The following USP13 variants were observed in gnomAD, a reference collection of about 807,000 sequenced individuals.
USP13 encodes ubiquitin carboxyl-terminal hydrolase 13.
In USP13, 68 loss-of-function variants were observed where a neutral mutation model predicts 107.8. The observed-to-expected ratio is 0.63, with a 90% CI of 0.52 to 0.77. The LOEUF (loss-of-function observed/expected upper bound fraction) is 0.77, where lower values mean the gene tolerates loss of function less well. Among genes scored for constraint, USP13 ranks in the 30% least tolerant of loss-of-function variants. USP13 has a pLI of 0.00. For missense variants in USP13, 945 were observed against 1,093.3 expected (o/e 0.86, Z 1.91); for synonymous variants, 377 against 389.5 (o/e 0.97, Z 0.38).
chr3:179,660,580 T>A (rs1276192372), intron 1 of USP13, among the ~76,000 whole-genome samples: 2 of 152,264 alleles, frequency 1.3e-5, no homozygotes, highest in Non-Finnish European at 2.9e-5. Context: ...TGAATAAAGC[T>A]GCTTCAGTTG....
At chr3:179,687,133 T>C (rs1711900470) in intron 2 of USP13, among the ~76,000 whole-genome samples, 1 of 152,226 alleles carries the variant, frequency 6.6e-6, no homozygotes, top group Non-Finnish European at 1.5e-5. Context: ...TCTGGATTTT[T>C]CTACTCCAGC....
At chr3:179,707,361 T>C (rs1482560532) in intron 5 of USP13, among the ~76,000 whole-genome samples, 2 of 152,084 alleles carry the variant, frequency 1.3e-5, no homozygotes, top group Non-Finnish European at 2.9e-5. Flanking sequence ...GTTATGCCAG[T>C]GCACGGGACA....
At chr3:179,741,505 C>T (rs1192939836) in intron 11 of USP13, among the ~76,000 whole-genome samples, 2 of 98,688 alleles carry the variant, frequency 2.0e-5, no homozygotes, top group African/African-American at 8.5e-5. Flanking sequence ...TAGGCACCCA[C>T]TACCATGCCT....
chr3:179,663,314 T>A (rs994256467), intron 1 of USP13, among the ~76,000 whole-genome samples: 4 of 152,220 alleles, frequency 2.6e-5, no homozygotes, highest in African/African-American at 9.6e-5. Context: ...TTGTGTCAAT[T>A]TTCTTCCTTT....
intron 8 of USP13, among the ~76,000 whole-genome samples, chr3:179,728,854 C>T (rs369576469): frequency 1.8e-4 from 27 of 152,104 alleles, no homozygotes; most frequent in Middle Eastern, 3.4e-3. Context: ...TGGCGGCGCG[C>T]GCCTACAATC....
intron 10 of USP13, among the ~76,000 whole-genome samples, chr3:179,735,209 A>T (rs1456584553): frequency 6.6e-6 from 1 of 152,060 alleles, no homozygotes; most frequent in Non-Finnish European, 1.5e-5. Flanking sequence ...CTCAAGTGAG[A>T]GTGTGTGTTC....
intron 1 of USP13, among the ~76,000 whole-genome samples, chr3:179,674,715 G>A (rs564098628): frequency 5.9e-5 from 9 of 151,722 alleles, no homozygotes; most frequent in South Asian, 2.1e-4. Context: ...AGGCTGAGCC[G>A]ATTTATATTG....
chr3:179,703,794 T>C (rs759496854), intron 4 of USP13, among the ~76,000 whole-genome samples: 136 of 152,204 alleles, frequency 8.9e-4, no homozygotes, highest in Non-Finnish European at 1.7e-3. Flanking sequence ...TAGATAATAA[T>C]GAGATACAGT....
rs766170214 is a variant in USP13 at position 179,701,102 on chromosome 3, A to G, written c.450A>G (p.Leu150=). ...VIFPDHYEIA[L]PNIEELPALV... ...TCCCAGATCACTATGAAATAGCACT[A>G]CCAAATATTGAGGAGTTACCAGCCC... The change falls in exon 4 of 21, where the codon CTA becomes CTG. Residue 150 remains leucine, a synonymous_variant. Coordinates refer to ENST00000263966, the MANE Select transcript of USP13 (RefSeq NM_003940.3). The G allele has an allele frequency of 1.9e-6, 3 of 1,613,660 alleles. No homozygotes were observed. Among genetic ancestry groups the G allele is most frequent in the Non-Finnish European group, 2.5e-6 (3 of 1,179,908 alleles).
chr3:179,694,025 G>A (rs996788839), intron 3 of USP13, among the ~76,000 whole-genome samples: 2 of 151,578 alleles, frequency 1.3e-5, no homozygotes, highest in Admixed American at 6.6e-5. Flanking sequence ...AGGCTGGAGT[G>A]CAGTGGCATA....
intron 19 of USP13, among the ~76,000 whole-genome samples, chr3:179,779,202 G>T (rs1288604039): frequency 6.6e-6 from 1 of 151,270 alleles, no homozygotes; most frequent in Non-Finnish European, 1.5e-5. Context: ...GGTTTTGGGG[G>T]CCGAGTAATG....
chr3:179,710,715 G>C (rs1353928134), intron 6 of USP13, among the ~76,000 whole-genome samples: 2 of 152,192 alleles, frequency 1.3e-5, no homozygotes, highest in Non-Finnish European at 2.9e-5. Flanking sequence ...ACATTGCAGA[G>C]TATACTTGGA....
At chr3:179,709,221 G>A (rs1040474579) in intron 6 of USP13, among the ~76,000 whole-genome samples, 2 of 152,172 alleles carry the variant, frequency 1.3e-5, no homozygotes, top group African/African-American at 4.8e-5. Flanking sequence ...CTCAGTGCAC[G>A]CTGTAAGGTC....
rs139131420 is a variant in USP13, at chr3:179,745,114, C to T, written c.1606C>T (p.Arg536Cys). 2.2e-5 allele frequency: 35 copies of T among 1,613,992 alleles called. No individual in the cohort carries two copies. The highest frequency in any genetic ancestry group is 1.6e-4 in the South Asian group (15 of 91,086). Residue 536 changes from arginine (R) to cysteine (C), a missense_variant, in exon 13 of 21, where the codon CGT (arginine) becomes TGT (cysteine). Arg to Cys is a radical substitution (Grantham distance 180). Transcript: ENST00000263966. Reference sequence around the variant, plus strand: ...CAGAAGACCCCTTCCTGAGTTGGTACGTGCCAAGATACCATTTAGTGCCTG... The same window carrying T: ...CAGAAGACCCCTTCCTGAGTTGGTATGTGCCAAGATACCATTTAGTGCCTG... The part of the protein sequence containing the change: ...ANRRPLPELV[R>C]AKIPFSACLQ...
rs1474416419 is a variant in USP13 at position 179,787,832 on chromosome 3, C to T, written c.*3691C>T. On this transcript the variant is annotated 3_prime_UTR_variant, in exon 21 of 21. Coordinates refer to ENST00000263966, the MANE Select transcript of USP13 (RefSeq NM_003940.3). Reference sequence around the variant, plus strand: ...GGCCAGGCTGGTCTTGAACTCTTGACCTCAACCTGCCTCAGCCTCCCAAAG... The same window carrying T: ...GGCCAGGCTGGTCTTGAACTCTTGATCTCAACCTGCCTCAGCCTCCCAAAG... 3 of 152,206 alleles carry T rather than the reference C, an allele frequency of 2.0e-5. No individual in the cohort carries two copies. Among genetic ancestry groups the T allele is most frequent in the African/African-American group, 7.2e-5 (3 of 41,420 alleles). 9.4% of individuals were successfully genotyped at this position (152,206 alleles called of 1,614,324 possible).
At chr3:179,770,390 T>C (rs921630116) in intron 19 of USP13, among the ~76,000 whole-genome samples, 1 of 152,226 alleles carries the variant, frequency 6.6e-6, no homozygotes, top group Non-Finnish European at 1.5e-5. Context: ...TACTTATGAA[T>C]ACAAATTTTC....
intron 1 of USP13, among the ~76,000 whole-genome samples, chr3:179,655,548 G>GTTTTTTTTTTTTTTTTTTTTTTT (rs150977876): frequency 1.3e-4 from 17 of 131,426 alleles, no homozygotes; most frequent in African/African-American, 3.7e-4. Flanking sequence ...TAATGGGAAG[G>GTTTTTTTTTTTTTTTTTTTTTTT]TTTTTTTTGT....
Position 179,775,814 on chromosome 3 carries a change from G to A in USP13, c.2414-5925G>A, listed in dbSNP as rs190808879. On this transcript the variant is annotated intron_variant, in intron 19 of 20. Coordinates refer to ENST00000263966, the MANE Select transcript of USP13 (RefSeq NM_003940.3). ...CACCCAGAACTCAGTGCTGGCTCGC[G>A]AGCATTGTGCGCAGCCCCGGTTCCT... Among the ~76,000 whole-genome samples the A allele has an allele frequency of 3.1e-3, 471 of 152,328 alleles. 1 individual carries two copies. The highest frequency in any genetic ancestry group is 6.8e-3 in the Middle Eastern group (2 of 294).
chr3:179,768,008 A>G (rs932424796), intron 19 of USP13, among the ~76,000 whole-genome samples: 2 of 152,242 alleles, frequency 1.3e-5, no homozygotes, highest in African/African-American at 4.8e-5. Flanking sequence ...TTCCATACTC[A>G]TTTAAAGTAT....
Sources: allele counts gnomAD v4.1 joint callset (sites outside exome capture counted in the v4.1 genomes callset), GRCh38; gene constraint gnomAD v4.1.1; transcripts MANE v1.5; gene names NCBI Gene and HGNC (gene_info 2026-07-23, HGNC 2026-07-21).